The following SLC8A3 variants were observed in gnomAD, a reference collection of about 807,000 sequenced individuals.
SLC8A3 encodes solute carrier family 8 member A3.
A neutral mutation model predicts 65.4 loss-of-function variants in SLC8A3; 37 were observed. The ratio of observed to expected loss-of-function variants is 0.57; its 90% CI spans 0.44 to 0.74. The LOEUF is 0.74. SLC8A3 is among the 30% of genes least tolerant of loss of function. The pLI, the probability that SLC8A3 is intolerant of heterozygous loss-of-function variation, is 0.00. For missense variants in SLC8A3, 1,112 were observed against 1,172.1 expected (o/e 0.95, Z 0.75); for synonymous variants, 461 against 444.5 (o/e 1.04, Z -0.47).
Position 70,166,685 on chromosome 14 carries a change from A to C in SLC8A3, c.1738T>G (p.Phe580Val). ...TCCAACTCCCCATATGTGTCTTCAA[A>C]GTCCTCACCGCCACCCTTGGCTGTC... Reference protein sequence around the residue: ...EGTAKGGGEDFEDTYGELEFK... With the variant: ...EGTAKGGGEDVEDTYGELEFK... The change falls in exon 2 of 7, where the codon TTT (phenylalanine) becomes GTT (valine). Residue 580 changes from phenylalanine to valine, a missense_variant. Physicochemically the swap from Phe to Val is conservative, Grantham distance 50 (BLOSUM62 -1). Transcript: ENST00000356921. 1 of 1,612,402 alleles carries C rather than the reference A, an allele frequency of 6.2e-7. No homozygotes were observed. Among genetic ancestry groups the C allele is most frequent in the Non-Finnish European group, 8.5e-7 (1 of 1,179,272 alleles).
At chr14:70,052,237 TA>T (rs1887594135) in intron 3 of SLC8A3, 123 bp from the exon 4 acceptor site, 1 of 1,248,532 alleles carries the variant, frequency 8.0e-7, no homozygotes, top group Admixed American at 2.9e-5. Context: ...GGGGAGTTTA[TA>T]TATATTTTTA....
chr14:70,182,284 T>C (rs1193617969), intron 1 of SLC8A3, among the ~76,000 whole-genome samples: 1 of 152,138 alleles, frequency 6.6e-6, no homozygotes, highest in Non-Finnish European at 1.5e-5. Context: ...TTGGAGATAC[T>C]GTGCACACGG....
At chr14:70,111,034 T>A (rs1893267252) in intron 2 of SLC8A3, among the ~76,000 whole-genome samples, 1 of 152,170 alleles carries the variant, frequency 6.6e-6, no homozygotes, top group Admixed American at 6.5e-5. Flanking sequence ...TACCCAGCAG[T>A]GGGATTGGTG....
chr14:70,098,210 C>T (rs528043169), intron 2 of SLC8A3, among the ~76,000 whole-genome samples: 1 of 152,292 alleles, frequency 6.6e-6, no homozygotes. Flanking sequence ...AACCAGAGAA[C>T]ACCAGCCTCA....
chr14:70,045,821 T>A lies in SLC8A3; in HGVS notation c.*126A>T. 2 of 958,562 alleles carry A rather than the reference T, an allele frequency of 2.1e-6. No homozygotes were observed. Among genetic ancestry groups the A allele is most frequent in the Non-Finnish European group, 3.0e-6 (2 of 664,674 alleles). The allele number at this position is 958,562 out of a possible 1,614,324, so 59.4% of individuals were successfully genotyped here. On this transcript the variant is annotated 3_prime_UTR_variant, in exon 7 of 7. Coordinates refer to ENST00000356921, the MANE Select transcript of SLC8A3 (RefSeq NM_182932.3). Reference sequence around the variant, plus strand: ...TGCCAGGGCCTAAGTTGGGTGAAGTTCCTGGGGCTTAGGTCCTGATGCTGC... The same window carrying A: ...TGCCAGGGCCTAAGTTGGGTGAAGTACCTGGGGCTTAGGTCCTGATGCTGC...
intron 3 of SLC8A3, among the ~76,000 whole-genome samples, chr14:70,056,232 G>T (rs1888100121): frequency 6.6e-6 from 1 of 152,188 alleles, no homozygotes; most frequent in Non-Finnish European, 1.5e-5. Flanking sequence ...CCCTGCCAGA[G>T]TAGCTAACTT....
At chr14:70,159,831 T>C (rs1344604) in intron 2 of SLC8A3, among the ~76,000 whole-genome samples, 3,762 of 152,284 alleles carry the variant, frequency 0.025, 75 homozygotes, top group Middle Eastern at 0.051. Context: ...CCATTCATTT[T>C]TGAAGTGGCC....
chr14:70,171,513 A>G (rs1406121654), intron 1 of SLC8A3, among the ~76,000 whole-genome samples: 1 of 152,212 alleles, frequency 6.6e-6, no homozygotes, highest in Non-Finnish European at 1.5e-5. Flanking sequence ...TAAAGAAAAA[A>G]GGCAAGGCCT....
In SLC8A3 at chr14:70,051,057, C is replaced by T. The variant is rs765142708; in HGVS notation, c.2064G>A (p.Gly688=). 1.9e-6 allele frequency: 3 copies of T among 1,613,638 alleles called. No homozygotes were observed. In the South Asian group the frequency reaches 3.3e-5, roughly 18 times the overall value. Residue 688 remains glycine, a synonymous_variant, in exon 5 of 7, where the codon GGG becomes GGA. Coordinates refer to ENST00000356921, the MANE Select transcript of SLC8A3 (RefSeq NM_182932.3). Reference sequence around the variant, plus strand: ...TGAACTGGTCCCTCCAGGAATGGGTCCCCACAACCAAGGCCAGGTTTGTCT... The same window carrying T: ...TGAACTGGTCCCTCCAGGAATGGGTTCCCACAACCAAGGCCAGGTTTGTCT... ...IKKTNLALVV[G]THSWRDQFME...
chr14:70,171,863 G>A (rs534429327), intron 1 of SLC8A3, among the ~76,000 whole-genome samples: 11 of 152,244 alleles, frequency 7.2e-5, no homozygotes, highest in Middle Eastern at 3.4e-3. Flanking sequence ...CAGGCACCCA[G>A]TTTTTGAAAT....
intron 2 of SLC8A3, among the ~76,000 whole-genome samples, chr14:70,088,426 C>T (rs568191640): frequency 6.6e-6 from 1 of 152,298 alleles, no homozygotes. Flanking sequence ...GGATAACTCT[C>T]TCTGCTACTC....
Position 70,167,483 on chromosome 14 carries a change from T to C in SLC8A3, c.940A>G (p.Arg314Gly), listed in dbSNP as rs34816272. The change falls in exon 2 of 7, where the codon AGA (arginine) becomes GGA (glycine). Residue 314 changes from arginine to glycine, a missense_variant. Physicochemically the swap from Arg to Gly is moderately radical, Grantham distance 125. Coordinates refer to ENST00000356921, the MANE Select transcript of SLC8A3 (RefSeq NM_182932.3). ...TCCTTGAGAATCCGGATCATCTCTCTGCGGGACTCATCCACTTCCTTCCCT... is the reference window on the plus strand; with the variant it reads ...TCCTTGAGAATCCGGATCATCTCTCCGCGGGACTCATCCACTTCCTTCCCT... ...LEGKEVDESRREMIRILKDLK... is the reference protein window; with the variant it reads ...LEGKEVDESRGEMIRILKDLK... 0.012 allele frequency: 19,133 copies of C among 1,614,114 alleles called. 144 individuals carry two copies. Among genetic ancestry groups the C allele is most frequent in the Middle Eastern group, 0.022 (134 of 6,062 alleles).
intron 3 of SLC8A3, among the ~76,000 whole-genome samples, chr14:70,054,110 A>G (rs1394838864): frequency 6.6e-6 from 1 of 152,152 alleles, no homozygotes. Flanking sequence ...CTGGGAGGGG[A>G]GAGAAAGATA....
intron 1 of SLC8A3, among the ~76,000 whole-genome samples, chr14:70,171,826 G>A (rs1009955952): frequency 6.6e-6 from 1 of 151,862 alleles, no homozygotes; most frequent in Non-Finnish European, 1.5e-5. Context: ...AAAAGAAAAG[G>A]CAAGGCGGTG....
chr14:70,057,011 A>T (rs868574303), intron 3 of SLC8A3, among the ~76,000 whole-genome samples: 1 of 152,162 alleles, frequency 6.6e-6, no homozygotes, highest in South Asian at 2.1e-4. Context: ...GTAGTTGGTG[A>T]CTGATAGAGA....
chr14:70,083,242 A>G (rs188126499), intron 2 of SLC8A3, among the ~76,000 whole-genome samples: 215 of 152,304 alleles, frequency 1.4e-3, no homozygotes, highest in Non-Finnish European at 2.5e-3. Flanking sequence ...GATGAGATTT[A>G]TCATCTCCGG....
chr14:70,051,604 G>C (rs1004018856), intron 4 of SLC8A3, among the ~76,000 whole-genome samples: 3 of 152,062 alleles, frequency 2.0e-5, no homozygotes, highest in African/African-American at 7.2e-5. Context: ...TGCCTGGCCT[G>C]GTTGTGACTT....
intron 2 of SLC8A3, among the ~76,000 whole-genome samples, chr14:70,095,239 T>C (rs937641463): frequency 6.6e-6 from 1 of 152,232 alleles, no homozygotes; most frequent in Non-Finnish European, 1.5e-5. Context: ...TTTGGTTGCT[T>C]CTGTCCTGGG....
Position 70,188,865 on chromosome 14 carries a change from C to G in SLC8A3, c.-549G>C, listed in dbSNP as rs907767321. 3 of 152,076 alleles carry G rather than the reference C, an allele frequency of 2.0e-5. No individual in the cohort carries two copies. The highest frequency in any genetic ancestry group is 4.8e-5 in the African/African-American group (2 of 41,426). The allele number at this position is 152,076 out of a possible 1,614,324, so 9.4% of individuals were successfully genotyped here. ...TCGCGTCGCCTGGGCTTTCCCTGGG[C>G]TGGGAGCGCGCCGGGTCTCCGCCTT... On this transcript the variant is annotated 5_prime_UTR_variant, in exon 1 of 7. Transcript: ENST00000356921.
Sources: gnomAD v4.1 joint callset for allele counts (sites outside exome capture counted in the v4.1 genomes callset) on GRCh38, gnomAD v4.1.1 for gene constraint, MANE v1.5 for transcripts, NCBI Gene and HGNC (gene_info 2026-07-23, HGNC 2026-07-21) for gene names.